The following NELL1 variants were observed in gnomAD, a reference collection of about 807,000 sequenced individuals.
The protein encoded by NELL1 is neural EGFL like 1.
Under a neutral mutation model 107.4 loss-of-function variants are expected in NELL1, and 76 were observed. That is an observed-to-expected ratio of 0.71 (90% CI 0.59 to 0.86). NELL1 has a LOEUF of 0.86. Ranked by LOEUF, NELL1 falls within the 40% of genes least tolerant of loss-of-function variation. The pLI is 0.00. For missense variants in NELL1, 1,024 were observed against 1,005.5 expected (o/e 1.02, Z -0.25); for synonymous variants, 353 against 341.2 (o/e 1.03, Z -0.38).
At chr11:21,214,429 C>A (rs1272362688) in intron 13 of NELL1, among the ~76,000 whole-genome samples, 1 of 151,822 alleles carries the variant, frequency 6.6e-6, no homozygotes, top group African/African-American at 2.4e-5. Flanking sequence ...ATACAGATGG[C>A]GAGTGAAGAT....
At chr11:21,224,857 G>A (rs1005807012) in intron 13 of NELL1, among the ~76,000 whole-genome samples, 18 of 151,982 alleles carry the variant, frequency 1.2e-4, no homozygotes, top group African/African-American at 3.1e-4. Flanking sequence ...TTCAGATCAG[G>A]CACTGTTTTT....
chr11:21,082,117 A>G (rs1854283618), intron 12 of NELL1, among the ~76,000 whole-genome samples: 1 of 152,068 alleles, frequency 6.6e-6, no homozygotes, highest in Non-Finnish European at 1.5e-5. Flanking sequence ...AATTCTTTAC[A>G]ATGGCGATCA....
At chr11:21,565,506 G>T (rs1188406332) in intron 17 of NELL1, among the ~76,000 whole-genome samples, 1 of 151,852 alleles carries the variant, frequency 6.6e-6, no homozygotes, top group African/African-American at 2.4e-5. Context: ...AGTAGATCTG[G>T]GGTGGGGTGC....
At chr11:21,356,835 C>T (rs1431881843) in intron 14 of NELL1, among the ~76,000 whole-genome samples, 1 of 152,066 alleles carries the variant, frequency 6.6e-6, no homozygotes, top group African/African-American at 2.4e-5. Context: ...CCCCAAAGTC[C>T]ATTGTATTAT....
At chr11:21,221,361 G>T (rs1472979742) in intron 13 of NELL1, among the ~76,000 whole-genome samples, 1 of 152,076 alleles carries the variant, frequency 6.6e-6, no homozygotes, top group East Asian at 1.9e-4. Context: ...TAATGTTTTT[G>T]TCTGATTTTA....
intron 15 of NELL1, among the ~76,000 whole-genome samples, chr11:21,409,307 C>A (rs1852311599): frequency 6.6e-6 from 1 of 151,998 alleles, no homozygotes; most frequent in Non-Finnish European, 1.5e-5. Flanking sequence ...TGGAAATCAT[C>A]ATTCTCAGTA....
chr11:21,185,509 G>A (rs532195169), intron 13 of NELL1, among the ~76,000 whole-genome samples: 1 of 151,574 alleles, frequency 6.6e-6, no homozygotes, highest in South Asian at 2.1e-4. Context: ...TGACCAGGCT[G>A]GTCTTACACT....
At chr11:20,703,116 G>A (rs1246594888) in intron 2 of NELL1, among the ~76,000 whole-genome samples, 1 of 152,204 alleles carries the variant, frequency 6.6e-6, no homozygotes, top group Admixed American at 6.5e-5. Context: ...GAATTCAGCT[G>A]TGAATCTGTC....
chr11:21,129,636 T>A (rs187307009), intron 13 of NELL1, among the ~76,000 whole-genome samples: 1 of 152,286 alleles, frequency 6.6e-6, no homozygotes, highest in Admixed American at 6.5e-5. Flanking sequence ...AACATCATCC[T>A]AAGGAAGATA....
At chr11:21,284,801 C>G (rs930209977) in intron 14 of NELL1, 10 of 339,154 alleles carry the variant, frequency 2.9e-5, no homozygotes, top group African/African-American at 1.9e-4. Flanking sequence ...TGGATTACCT[C>G]AAACTCCACT....
intron 4 of NELL1, among the ~76,000 whole-genome samples, chr11:20,851,901 A>C (rs900821482): frequency 5.3e-5 from 8 of 152,218 alleles, no homozygotes; most frequent in Admixed American, 4.6e-4. Context: ...CCCTGTAAGC[A>C]GGCTGATTTG....
At chr11:21,387,026 G>A (rs928858644) in intron 15 of NELL1, among the ~76,000 whole-genome samples, 2 of 151,762 alleles carry the variant, frequency 1.3e-5, no homozygotes, top group East Asian at 2.0e-4. Context: ...CACATTGCTC[G>A]TCTAATTTCA....
At chr11:21,173,492 A>G (rs144223299) in intron 13 of NELL1, among the ~76,000 whole-genome samples, 1 of 151,892 alleles carries the variant, frequency 6.6e-6, no homozygotes, top group Non-Finnish European at 1.5e-5. Context: ...AAACTTTAAT[A>G]CCCACCTTTT....
chr11:20,926,947 G>C (rs114713338), intron 7 of NELL1: 2,935 of 171,604 alleles, frequency 0.017, 90 homozygotes, highest in African/African-American at 0.066. Context: ...CGGAGTTCCT[G>C]ATTAGATCGC....
intron 17 of NELL1, among the ~76,000 whole-genome samples, chr11:21,563,696 G>A (rs960817942): frequency 1.3e-5 from 2 of 151,958 alleles, no homozygotes; most frequent in Non-Finnish European, 2.9e-5. Flanking sequence ...TAAGGGACTT[G>A]AACATCTGCA....
chr11:20,836,248 CACCAATT>C (rs1848532333), intron 3 of NELL1, among the ~76,000 whole-genome samples: 1 of 149,304 alleles, frequency 6.7e-6, no homozygotes, highest in African/African-American at 2.5e-5. Context: ...TACCATTACA[CACCAATT>C]AGAATGGGTA....
chr11:21,151,123 G>A (rs1856105858), intron 13 of NELL1, among the ~76,000 whole-genome samples: 4 of 152,134 alleles, frequency 2.6e-5, no homozygotes, highest in Admixed American at 2.6e-4. Context: ...GTGAGATTTG[G>A]GTAGGGACAC....
intron 15 of NELL1, among the ~76,000 whole-genome samples, chr11:21,413,632 T>A (rs572906055): frequency 6.6e-6 from 1 of 152,180 alleles, no homozygotes; most frequent in Non-Finnish European, 1.5e-5. Flanking sequence ...GGTTCTGTCC[T>A]TATTTTAGCC....
intron 15 of NELL1, among the ~76,000 whole-genome samples, chr11:21,495,637 T>C (rs1854958079): frequency 6.6e-6 from 1 of 152,128 alleles, no homozygotes. Flanking sequence ...AATGGATGAG[T>C]ATTCAAGTTT....
Sources: allele counts gnomAD v4.1 joint callset (sites outside exome capture counted in the v4.1 genomes callset), GRCh38; gene constraint gnomAD v4.1.1; transcripts MANE v1.5; gene names NCBI Gene and HGNC (gene_info 2026-07-23, HGNC 2026-07-21).